CTNS: variants seen among roughly 807,000 people sequenced by gnomAD.
CTNS encodes cystinosin, lysosomal cystine transporter, also known as cystinosin.
A neutral mutation model predicts 43.7 loss-of-function variants in CTNS; 27 were observed. The ratio of observed to expected loss-of-function variants is 0.62; its 90% CI spans 0.46 to 0.85. The LOEUF is 0.85. CTNS is among the 40% of genes least tolerant of loss of function. CTNS has a pLI of 0.00. For synonymous variants in CTNS, 187 were observed against 190.6 expected, an observed-to-expected ratio of 0.98 and a Z score of 0.16; for missense variants, 457 against 475.4, an observed-to-expected ratio of 0.96 and a Z score of 0.36.
In CTNS at chr17:3,660,733, G is replaced by T. The variant is rs1319436912; in HGVS notation, c.*364G>T. 6.2e-7 allele frequency: 1 copy of T among 1,613,444 alleles called. No individual in the cohort carries two copies. Among genetic ancestry groups the T allele is most frequent in the East Asian group, 2.2e-5 (1 of 44,878 alleles). Reference sequence around the variant, plus strand: ...GTTTCTGCAAGCAGCTTGAAGGGCTGACCTTGCAGCCGGGTGAGCCAAGGG... The same window carrying T: ...GTTTCTGCAAGCAGCTTGAAGGGCTTACCTTGCAGCCGGGTGAGCCAAGGG... On this transcript the variant is annotated 3_prime_UTR_variant, in exon 12 of 12. Transcript: ENST00000046640.
At chr17:3,645,107 T>C (rs1470269721) in intron 3 of CTNS, among the ~76,000 whole-genome samples, 1 of 152,192 alleles carries the variant, frequency 6.6e-6, no homozygotes, top group Non-Finnish European at 1.5e-5. Context: ...AGAATTGAAC[T>C]GGTGGTACAG....
At position 3,656,484 on chromosome 17, in the gene CTNS, C is replaced by A; in HGVS notation, c.462-3C>A. 1 of 1,588,144 alleles carries A rather than the reference C, an allele frequency of 6.3e-7. No individual in the cohort carries two copies. Among genetic ancestry groups the A allele is most frequent in the African/African-American group, 1.5e-5 (1 of 65,738 alleles). Reference sequence around the variant, plus strand: ...CCCTGTCTTGTCCCTCCACCCCCTGCAGTGTCATTGGTCTGAGCTTCGACT... The same window carrying A: ...CCCTGTCTTGTCCCTCCACCCCCTGAAGTGTCATTGGTCTGAGCTTCGACT... On this transcript the variant is annotated splice_polypyrimidine_tract_variant and splice_region_variant and intron_variant, in intron 7 of 11. Coordinates refer to ENST00000046640, the MANE Select transcript of CTNS (RefSeq NM_004937.3).
chr17:3,646,716 C>T (rs1023300637), intron 3 of CTNS, among the ~76,000 whole-genome samples: 7 of 152,184 alleles, frequency 4.6e-5, no homozygotes, highest in African/African-American at 1.4e-4. Context: ...GGTTTCTAAG[C>T]GTGAGCCACC....
At chr17:3,643,659 C>G (rs1268565175) in intron 3 of CTNS, among the ~76,000 whole-genome samples, 1 of 152,026 alleles carries the variant, frequency 6.6e-6, no homozygotes, top group Non-Finnish European at 1.5e-5. Flanking sequence ...CTCTGCCTCC[C>G]GGGTTCAAGC....
At chr17:3,646,965 A>G (rs576181104) in intron 3 of CTNS, among the ~76,000 whole-genome samples, 2 of 152,060 alleles carry the variant, frequency 1.3e-5, no homozygotes, top group African/African-American at 4.8e-5. Context: ...CTCCTTAGAA[A>G]CTCATTAGCT....
chr17:3,648,623 C>G (rs1335800232), intron 4 of CTNS, among the ~76,000 whole-genome samples: 1 of 152,236 alleles, frequency 6.6e-6, no homozygotes, highest in Non-Finnish European at 1.5e-5. Context: ...TTGCTTTCTT[C>G]TCTGTTCTCA....
intron 5 of CTNS, chr17:3,650,517 TAAC>T (rs1567704555): frequency 1.5e-6 from 1 of 657,690 alleles, no homozygotes; most frequent in African/African-American, 1.8e-5. Flanking sequence ...TGTTTAAAAA[TAAC>T]AGCATTGCTG....
chr17:3,640,679 C>T (rs1476233175), intron 3 of CTNS, among the ~76,000 whole-genome samples: 1 of 152,240 alleles, frequency 6.6e-6, no homozygotes, highest in African/African-American at 2.4e-5. Flanking sequence ...AGGAAGATCT[C>T]TTGAGGCCAG....
At chr17:3,639,168 G>C (rs1372812028) in intron 2 of CTNS, among the ~76,000 whole-genome samples, 2 of 152,138 alleles carry the variant, frequency 1.3e-5, no homozygotes, top group African/African-American at 4.8e-5. Context: ...CCGTGAGACT[G>C]TGTACTGAGG....
intron 2 of CTNS, among the ~76,000 whole-genome samples, chr17:3,637,557 C>T (rs552657620): frequency 6.6e-6 from 1 of 151,978 alleles, no homozygotes; most frequent in Non-Finnish European, 1.5e-5. Context: ...ACCTCCGCCT[C>T]CGGGGTTCAA....
intron 5 of CTNS, among the ~76,000 whole-genome samples, chr17:3,652,511 G>C (rs972098197): frequency 1.3e-5 from 2 of 152,080 alleles, no homozygotes; most frequent in Non-Finnish European, 2.9e-5. Context: ...AAAATCACTT[G>C]AACCCGGGAG....
At chr17:3,636,586 C>T, upstream of CTNS, 1 of 230,962 alleles carries the variant, frequency 4.3e-6, no homozygotes, top group Non-Finnish European at 8.5e-6. Context: ...CACGCCGGAG[C>T]CCCGATCTCT....
At chr17:3,653,262 A>C (rs1320180077) in intron 5 of CTNS, among the ~76,000 whole-genome samples, 1 of 151,820 alleles carries the variant, frequency 6.6e-6, no homozygotes, top group Non-Finnish European at 1.5e-5. Context: ...AAATACAAAA[A>C]ATTAGCTGGG....
intron 3 of CTNS, among the ~76,000 whole-genome samples, chr17:3,646,469 A>G (rs1321897728): frequency 6.6e-6 from 1 of 151,900 alleles, no homozygotes; most frequent in Non-Finnish European, 1.5e-5. Context: ...TTGTATTTTT[A>G]GTAGAGACAG....
chr17:3,642,064 CGTGTGTGT>C (rs139025469), intron 3 of CTNS, among the ~76,000 whole-genome samples: 1 of 139,782 alleles, frequency 7.2e-6, no homozygotes, highest in South Asian at 2.3e-4. Context: ...TGTACCCGGG[CGTGTGTGT>C]GTGTGTGTGT....
intron 3 of CTNS, among the ~76,000 whole-genome samples, chr17:3,644,559 G>A (rs1212998292): frequency 6.6e-6 from 1 of 152,292 alleles, no homozygotes; most frequent in East Asian, 1.9e-4. Flanking sequence ...CCGCTTCCTG[G>A]GTTCAAGTGA....
chr17:3,639,042 G>GTT (rs2075614337), intron 2 of CTNS, among the ~76,000 whole-genome samples: 1 of 152,178 alleles, frequency 6.6e-6, no homozygotes, highest in African/African-American at 2.4e-5. Context: ...TTCTTGAGGA[G>GTT]TGTGTAAGGG....
Position 3,659,896 on chromosome 17 carries a change from G to C in CTNS, c.891G>C (p.Trp297Cys). 6.2e-7 allele frequency: 1 copy of C among 1,614,014 alleles called. No homozygotes were observed. Among genetic ancestry groups the C allele is most frequent in the Non-Finnish European group, 8.5e-7 (1 of 1,180,004 alleles). ...MNFYYKSTEG[W>C]SIGNVLLDFT... is the part of the protein sequence containing the mutation. ...TTTACTACAAAAGCACTGAGGGCTG[G>C]AGCATTGGCAACGTGCTCCTGGACT... The change falls in exon 11 of 12, where the codon TGG becomes TGC. Residue 297 changes from tryptophan (W) to cysteine (C), a missense_variant. Coordinates refer to ENST00000046640, the MANE Select transcript of CTNS (RefSeq NM_004937.3).
In CTNS at chr17:3,660,631, G is replaced by A. The variant is rs201647994; in HGVS notation, c.*262G>A. On this transcript the variant is annotated 3_prime_UTR_variant, in exon 12 of 12. Coordinates refer to ENST00000046640, the MANE Select transcript of CTNS (RefSeq NM_004937.3). ...TTTTCTTTAAGGCTTCAGGCAGCGCGCACAGGCTCTGGCAGCCGTCTCAGG... is the reference window on the plus strand; with the variant it reads ...TTTTCTTTAAGGCTTCAGGCAGCGCACACAGGCTCTGGCAGCCGTCTCAGG... 224 of 1,613,532 alleles carry A rather than the reference G, an allele frequency of 1.4e-4. No homozygotes were observed. In the East Asian group the frequency reaches 3.3e-3, roughly 24 times the overall value.
Sources: allele counts gnomAD v4.1 joint callset (sites outside exome capture counted in the v4.1 genomes callset), GRCh38; gene constraint gnomAD v4.1.1; transcripts MANE v1.5; gene names NCBI Gene and HGNC (gene_info 2026-07-23, HGNC 2026-07-21).